The following MIPOL1 variants were observed in gnomAD, a reference collection of about 807,000 sequenced individuals.
MIPOL1 encodes mirror-image polydactyly 1, also known as mirror-image polydactyly gene 1 protein.
In MIPOL1, 57 loss-of-function variants were observed where a neutral mutation model predicts 60.9. That is an observed-to-expected ratio of 0.94 (90% CI 0.76 to 1.17). The LOEUF is 1.17. MIPOL1 is among the 50% of genes most tolerant of loss of function. The probability of loss-of-function intolerance (pLI) is 0.00; values close to 1 mark genes in which losing one functional copy is unlikely to be tolerated. For synonymous variants in MIPOL1, 179 were observed against 168.8 expected (o/e 1.06, Z -0.47); for missense variants, 551 against 511.6 (o/e 1.08, Z -0.74).
chr14:37,277,230 C>T (rs1022766768), intron 6 of MIPOL1: 4 of 151,084 alleles, frequency 2.6e-5, no homozygotes, highest in African/African-American at 9.7e-5. Flanking sequence ...TATCTAAAGA[C>T]TTTTTCACAC....
chr14:37,429,863 GT>G (rs1302874309), intron 11 of MIPOL1, among the ~76,000 whole-genome samples: 1 of 152,040 alleles, frequency 6.6e-6, no homozygotes, highest in African/African-American at 2.4e-5. Flanking sequence ...GGTAGTGATA[GT>G]TTTTTATTGG....
chr14:37,406,200 C>A (rs2093584510), intron 10 of MIPOL1, among the ~76,000 whole-genome samples: 1 of 152,006 alleles, frequency 6.6e-6, no homozygotes, highest in African/African-American at 2.4e-5. Flanking sequence ...TTTCATTTGG[C>A]AATATTTCTA....
intron 7 of MIPOL1, 125 bp from the exon 8 acceptor site, chr14:37,307,931 T>C: frequency 1.3e-6 from 1 of 745,772 alleles, no homozygotes; most frequent in Admixed American, 2.3e-5. Context: ...ATGTTCAGTG[T>C]CATGGTTGAC....
At chr14:37,434,364 A>G (rs2094128774) in intron 11 of MIPOL1, 1 of 151,928 alleles carries the variant, frequency 6.6e-6, no homozygotes, top group Admixed American at 6.6e-5. Flanking sequence ...TCCTTCGCTC[A>G]TTTTTTGATG....
At chr14:37,215,773 A>C (rs1280882535) in intron 1 of MIPOL1, among the ~76,000 whole-genome samples, 1 of 152,176 alleles carries the variant, frequency 6.6e-6, no homozygotes, top group Non-Finnish European at 1.5e-5. Context: ...CACAGACAGA[A>C]AATAAAGGGA....
intron 9 of MIPOL1, among the ~76,000 whole-genome samples, chr14:37,316,504 G>T (rs900106531): frequency 6.6e-6 from 1 of 151,834 alleles, no homozygotes; most frequent in African/African-American, 2.4e-5. Flanking sequence ...AGGAAGTGCA[G>T]ACAGTGAATA....
At chr14:37,396,908 T>C (rs912720240) in intron 10 of MIPOL1, 4 of 152,224 alleles carry the variant, frequency 2.6e-5, no homozygotes, top group Admixed American at 2.6e-4. Flanking sequence ...TTTCCTTTCA[T>C]TGGGCTTCAC....
intron 12 of MIPOL1, among the ~76,000 whole-genome samples, chr14:37,513,836 CAGAT>C (rs1349918870): frequency 3.3e-5 from 5 of 151,960 alleles, no homozygotes; most frequent in Non-Finnish European, 5.9e-5. Context: ...TCTGCATACT[CAGAT>C]AGATAAAACA....
chr14:37,394,872 A>G (rs763667693), intron 10 of MIPOL1, among the ~76,000 whole-genome samples: 2 of 152,110 alleles, frequency 1.3e-5, no homozygotes, highest in African/African-American at 2.4e-5. Flanking sequence ...TTCTGATGTT[A>G]TCTTCCAGAA....
intron 9 of MIPOL1, among the ~76,000 whole-genome samples, chr14:37,337,358 T>A (rs12895636): frequency 1.2e-3 from 50 of 41,920 alleles, no homozygotes; most frequent in Admixed American, 2.7e-3. Context: ...ATATATATAT[T>A]TTTTTTTTTT....
chr14:37,219,989 T>A (rs554973416), intron 1 of MIPOL1, among the ~76,000 whole-genome samples: 1 of 152,360 alleles, frequency 6.6e-6, no homozygotes, highest in South Asian at 2.1e-4. Context: ...CATGCTTTTT[T>A]CATTGTGCTC....
At chr14:37,233,892 C>T (rs998397184) in intron 1 of MIPOL1, among the ~76,000 whole-genome samples, 3 of 152,204 alleles carry the variant, frequency 2.0e-5, no homozygotes, top group Admixed American at 1.3e-4. Context: ...AAAACTGTTG[C>T]CATGGCCTTT....
intron 9 of MIPOL1, among the ~76,000 whole-genome samples, chr14:37,356,183 G>T (rs1040625632): frequency 6.6e-6 from 1 of 151,892 alleles, no homozygotes; most frequent in African/African-American, 2.4e-5. Context: ...GTGTCAGTCT[G>T]TCCCTGCTGG....
intron 12 of MIPOL1, among the ~76,000 whole-genome samples, chr14:37,545,088 A>G (rs1292172758): frequency 6.6e-6 from 1 of 152,232 alleles, no homozygotes; most frequent in African/African-American, 2.4e-5. Flanking sequence ...AGTTAGTAGT[A>G]TAAATTATAT....
At chr14:37,409,830 G>T (rs1267126972) in intron 10 of MIPOL1, among the ~76,000 whole-genome samples, 1 of 151,926 alleles carries the variant, frequency 6.6e-6, no homozygotes, top group African/African-American at 2.4e-5. Context: ...CATATAAGTT[G>T]GAATATATCT....
At chr14:37,285,263 A>T in intron 6 of MIPOL1, 55 bp from the exon 7 acceptor site, 2 of 1,597,158 alleles carry the variant, frequency 1.3e-6, no homozygotes, top group Admixed American at 3.4e-5. Context: ...TGCTAAAGGT[A>T]TACATTTGTC....
At chr14:37,480,148 C>G (rs1255663833) in intron 11 of MIPOL1, among the ~76,000 whole-genome samples, 1 of 152,118 alleles carries the variant, frequency 6.6e-6, no homozygotes, top group Non-Finnish European at 1.5e-5. Flanking sequence ...TTCTACTAAT[C>G]CTTCTCTAAC....
In MIPOL1 at chr14:37,472,115, A is replaced by G. The variant is rs547401827; in HGVS notation, c.1032-27793A>G. 6.6e-5 allele frequency among the ~76,000 whole-genome samples: 10 copies of G among 152,312 alleles called. No individual in the cohort carries two copies. In the South Asian group the frequency reaches 2.1e-3, roughly 32 times the overall value. ...AAACAGCTGTGTACAAGCACTGTGC[A>G]TTTGTAGTAGTCTCATAAAATGAGT... On this transcript the variant is annotated intron_variant, in intron 11 of 12. Coordinates refer to ENST00000684589, the MANE Select transcript of MIPOL1 (RefSeq NM_001388067.1).
chr14:37,258,825 A>G (rs1396476014), intron 3 of MIPOL1, among the ~76,000 whole-genome samples: 1 of 152,114 alleles, frequency 6.6e-6, no homozygotes, highest in Admixed American at 6.6e-5. Flanking sequence ...ATTCGTGACT[A>G]CTTCAGACTT....
Sources: allele counts gnomAD v4.1 joint callset (sites outside exome capture counted in the v4.1 genomes callset), GRCh38; gene constraint gnomAD v4.1.1; transcripts MANE v1.5; gene names NCBI Gene and HGNC (gene_info 2026-07-23, HGNC 2026-07-21).